The following C10orf67 variants were observed in gnomAD, a reference collection of about 807,000 sequenced individuals.
C10orf67 encodes the protein chromosome 10 open reading frame 67.
A neutral mutation model predicts 35.6 loss-of-function variants in C10orf67; 60 were observed. The ratio of observed to expected loss-of-function variants is 1.68; its 90% CI spans 1.37 to 2.09. The LOEUF is 2.09. Ranked by LOEUF, C10orf67 falls within the 30% of genes most tolerant of loss-of-function variation. The pLI is 0.00. For missense variants in C10orf67, 474 were observed against 330.2 expected (o/e 1.44, Z -3.38); for synonymous variants, 167 against 115.8 (o/e 1.44, Z -2.84).
At chr10:23,232,538 A>C (rs1398974148) in intron 13 of C10orf67, among the ~76,000 whole-genome samples, 1 of 152,188 alleles carries the variant, frequency 6.6e-6, no homozygotes, top group Non-Finnish European at 1.5e-5. Flanking sequence ...CACACAGAGC[A>C]CTGGGATAAA....
chr10:23,235,606 G>A (rs997760033), intron 13 of C10orf67, among the ~76,000 whole-genome samples: 7 of 152,238 alleles, frequency 4.6e-5, no homozygotes, highest in African/African-American at 9.6e-5. Flanking sequence ...GGATGTTTAC[G>A]ACACTACTGA....
intron 2 of C10orf67, among the ~76,000 whole-genome samples, chr10:23,324,871 C>T (rs1026146633): frequency 3.9e-5 from 6 of 152,102 alleles, no homozygotes; most frequent in African/African-American, 7.2e-5. Flanking sequence ...TGGAACTTGA[C>T]GCCTGGTGTA....
At chr10:23,303,786 G>A (rs986824762) in intron 4 of C10orf67, among the ~76,000 whole-genome samples, 3 of 152,182 alleles carry the variant, frequency 2.0e-5, no homozygotes, top group Admixed American at 1.3e-4. Flanking sequence ...TTAGGAGAAC[G>A]TCTACTCAAC....
intron 7 of C10orf67, among the ~76,000 whole-genome samples, chr10:23,284,546 T>G (rs1317094685): frequency 2.6e-5 from 4 of 151,626 alleles, no homozygotes; most frequent in African/African-American, 9.7e-5. Context: ...AAAAAAAATT[T>G]AGCCATGTGT....
At chr10:23,282,134 T>C in intron 7 of C10orf67, 56 bp from the exon 8 acceptor site, 1 of 441,390 alleles carries the variant, frequency 2.3e-6, no homozygotes, top group South Asian at 5.6e-5. Flanking sequence ...ACACCTAAAA[T>C]CCCTCCTCAA....
At chr10:23,248,043 A>G (rs1204484066) in intron 12 of C10orf67, among the ~76,000 whole-genome samples, 1 of 152,160 alleles carries the variant, frequency 6.6e-6, no homozygotes, top group Non-Finnish European at 1.5e-5. Context: ...TGGGATGGCA[A>G]TCTAGTGCTG....
intron 7 of C10orf67, among the ~76,000 whole-genome samples, chr10:23,287,189 C>G (rs1053056268): frequency 5.9e-5 from 9 of 152,116 alleles, no homozygotes; most frequent in Admixed American, 3.3e-4. Context: ...GCAAAAAGAA[C>G]AAAGTTGGAG....
At chr10:23,310,762 G>T (rs561863738) in intron 4 of C10orf67, among the ~76,000 whole-genome samples, 1 of 152,176 alleles carries the variant, frequency 6.6e-6, no homozygotes, top group African/African-American at 2.4e-5. Context: ...GCTCAAAGGA[G>T]AAATACTCTC....
chr10:23,323,265 A>G (rs1385785837), intron 2 of C10orf67, among the ~76,000 whole-genome samples: 1 of 152,224 alleles, frequency 6.6e-6, no homozygotes, highest in Non-Finnish European at 1.5e-5. Flanking sequence ...ATATGTAACC[A>G]GCATGTTGAC....
chr10:23,230,171 A>G (rs1466783025), intron 13 of C10orf67, among the ~76,000 whole-genome samples: 1 of 152,158 alleles, frequency 6.6e-6, no homozygotes, highest in East Asian at 1.9e-4. Context: ...ACTCATATAT[A>G]TGAGCCCTTA....
At chr10:23,293,339 T>C (rs1411923619) in intron 5 of C10orf67, among the ~76,000 whole-genome samples, 1 of 152,230 alleles carries the variant, frequency 6.6e-6, no homozygotes, top group African/African-American at 2.4e-5. Flanking sequence ...ATCTGTCAGC[T>C]GTGGGAACTG....
chr10:23,236,016 A>G (rs370216318), intron 13 of C10orf67, among the ~76,000 whole-genome samples: 7 of 152,064 alleles, frequency 4.6e-5, no homozygotes, highest in African/African-American at 1.4e-4. Flanking sequence ...TGGGAGGCCG[A>G]GGCGGGCGGA....
Position 23,344,623 on chromosome 10 carries a change from C to G in C10orf67, c.152G>C (p.Arg51Pro), listed in dbSNP as rs762972334. ...GAATTCCCGAGCTTCTCGCTTCCTACGCGCGCAGCAGACCCGCAGCTCGGT... is the reference window on the plus strand; with the variant it reads ...GAATTCCCGAGCTTCTCGCTTCCTAGGCGCGCAGCAGACCCGCAGCTCGGT... The part of the protein sequence containing the change: ...KATELRVCCA[R>P]RKREAREFKP... Residue 51 changes from arginine to proline, a missense_variant, in exon 1 of 16, where the codon CGT becomes CCT. Transcript: ENST00000636213. 7.6e-6 allele frequency: 12 copies of G among 1,584,762 alleles called. No individual in the cohort carries two copies. Among genetic ancestry groups the G allele is most frequent in the Non-Finnish European group, 1.0e-5 (12 of 1,166,212 alleles).
chr10:23,212,590 G>A (rs188380549), intron 15 of C10orf67, among the ~76,000 whole-genome samples: 22 of 152,282 alleles, frequency 1.4e-4, no homozygotes, highest in Non-Finnish European at 2.5e-4. Flanking sequence ...ATGAGCCTAG[G>A]AAGGTTAGAG....
At chr10:23,342,069 T>C (rs766298655) in intron 1 of C10orf67, among the ~76,000 whole-genome samples, 7 of 151,908 alleles carry the variant, frequency 4.6e-5, no homozygotes, top group Non-Finnish European at 1.0e-4. Context: ...GAGGCTGAGG[T>C]GGAGGGATCG....
chr10:23,211,829 T>C (rs1841317594), intron 15 of C10orf67, among the ~76,000 whole-genome samples: 1 of 152,170 alleles, frequency 6.6e-6, no homozygotes, highest in Non-Finnish European at 1.5e-5. Context: ...GTTCATGATT[T>C]AGGACTCCAT....
At chr10:23,326,275 G>A (rs2132358554) in intron 2 of C10orf67, among the ~76,000 whole-genome samples, 1 of 152,196 alleles carries the variant, frequency 6.6e-6, no homozygotes, top group African/African-American at 2.4e-5. Flanking sequence ...AAAAGAAAAT[G>A]TTGAAAGCAG....
At chr10:23,241,306 G>A (rs974178780) in intron 12 of C10orf67, among the ~76,000 whole-genome samples, 2 of 152,164 alleles carry the variant, frequency 1.3e-5, no homozygotes, top group Non-Finnish European at 2.9e-5. Flanking sequence ...TTTGTCCCAG[G>A]ATGAATTATA....
chr10:23,297,271 C>CCTTTCCT (rs1843914964), intron 5 of C10orf67, among the ~76,000 whole-genome samples: 1 of 148,440 alleles, frequency 6.7e-6, no homozygotes, highest in Non-Finnish European at 1.5e-5. Context: ...CCTTTCCTTT[C>CCTTTCCT]TGATGACCCC....
Sources: gnomAD v4.1 joint callset for allele counts (sites outside exome capture counted in the v4.1 genomes callset) on GRCh38, gnomAD v4.1.1 for gene constraint, MANE v1.5 for transcripts, NCBI Gene and HGNC (gene_info 2026-07-23, HGNC 2026-07-21) for gene names.